HELZ: variants seen among roughly 807,000 people sequenced by gnomAD.
HELZ encodes helicase with zinc finger.
HELZ carries 23 observed loss-of-function variants against 218.2 expected under a neutral mutation model. That is an observed-to-expected ratio of 0.11 (90% CI 0.08 to 0.15). The LOEUF (loss-of-function observed/expected upper bound fraction) is 0.15. Ranked by LOEUF, HELZ falls within the 10% of genes least tolerant of loss-of-function variation. The probability of loss-of-function intolerance (pLI) is 1.00; values close to 1 mark genes in which losing one functional copy is unlikely to be tolerated. For missense variants in HELZ, 1,813 were observed against 2,353.7 expected (o/e 0.77, Z 4.75); for synonymous variants, 814 against 829.4 (o/e 0.98, Z 0.32).
At chr17:67,206,688 G>A (rs763391286) in intron 5 of HELZ, among the ~76,000 whole-genome samples, 1 of 145,208 alleles carries the variant, frequency 6.9e-6, no homozygotes, top group Non-Finnish European at 1.5e-5. Context: ...AACCTCTGCC[G>A]CCCAGGTTCA....
intron 1 of HELZ, 97 bp downstream of exon 1, chr17:67,245,036 CCGCCGCGCCCGGGGT>C (rs2041442728): frequency 1.0e-6 from 1 of 984,670 alleles, no homozygotes; most frequent in Admixed American, 6.2e-5. Context: ...TGCCCCGGGG[CCGCCGCGCCCGGGGT>C]CCGGGACACC....
chr17:67,228,705 T>C (rs2040957656), intron 3 of HELZ, among the ~76,000 whole-genome samples: 1 of 133,478 alleles, frequency 7.5e-6, no homozygotes, highest in Non-Finnish European at 1.6e-5. Context: ...GCCAAATTGA[T>C]ACATTATTAT....
At chr17:67,226,265 A>G (rs2040888781) in intron 3 of HELZ, among the ~76,000 whole-genome samples, 1 of 151,418 alleles carries the variant, frequency 6.6e-6, no homozygotes, top group South Asian at 2.1e-4. Flanking sequence ...CTCAAAAAAA[A>G]AAAAAAGAAA....
chr17:67,201,012 C>A (rs370654014), intron 7 of HELZ, 117 bp downstream of exon 7: 69 of 809,504 alleles, frequency 8.5e-5, no homozygotes, highest in African/African-American at 4.8e-4. Flanking sequence ...CACTGCCCCA[C>A]CTTCACAGCC....
At chr17:67,227,650 G>A (rs1318511776) in intron 3 of HELZ, among the ~76,000 whole-genome samples, 1 of 152,032 alleles carries the variant, frequency 6.6e-6, no homozygotes, top group African/African-American at 2.4e-5. Context: ...GAGCTCTCTT[G>A]GCAAAAAATG....
At chr17:67,094,384 T>G in intron 31 of HELZ, among the ~76,000 whole-genome samples, 1 of 20,246 alleles carries the variant, frequency 4.9e-5, no homozygotes, top group African/African-American at 3.2e-4. Context: ...TATTGCAGGT[T>G]TGGTGAGAGA....
chr17:67,185,532 A>C (rs1423979949), intron 12 of HELZ, among the ~76,000 whole-genome samples: 2 of 152,220 alleles, frequency 1.3e-5, no homozygotes, highest in African/African-American at 4.8e-5. Context: ...AAAAATTAGC[A>C]TAAGTCATTA....
intron 15 of HELZ, 45 bp downstream of exon 15, chr17:67,166,433 T>C: frequency 6.6e-7 from 1 of 1,521,654 alleles, no homozygotes. Flanking sequence ...ATATTCAATT[T>C]AATATTAACC....
chr17:67,211,858 C>CA (rs921532429), intron 5 of HELZ, among the ~76,000 whole-genome samples: 4 of 148,352 alleles, frequency 2.7e-5, no homozygotes, highest in Non-Finnish European at 6.0e-5. Context: ...AAAACTGTCT[C>CA]AAAAAAAGAA....
chr17:67,227,691 T>C (rs2040931615), intron 3 of HELZ, among the ~76,000 whole-genome samples: 1 of 152,152 alleles, frequency 6.6e-6, no homozygotes, highest in African/African-American at 2.4e-5. Flanking sequence ...GCATCATAGC[T>C]AGATGGTTGG....
At chr17:67,226,839 G>T (rs1399390056) in intron 3 of HELZ, among the ~76,000 whole-genome samples, 1 of 152,106 alleles carries the variant, frequency 6.6e-6, no homozygotes, top group African/African-American at 2.4e-5. Flanking sequence ...GCAATAACTT[G>T]AATTAATCTC....
chr17:67,190,723 G>T (rs1422406219), intron 9 of HELZ, among the ~76,000 whole-genome samples: 1 of 151,930 alleles, frequency 6.6e-6, no homozygotes, highest in Non-Finnish European at 1.5e-5. Flanking sequence ...TTTGTTTTTT[G>T]TTTTTGAGAC....
intron 31 of HELZ, among the ~76,000 whole-genome samples, chr17:67,094,333 A>AAAGAGAGAG (rs528061407): frequency 0.01 from 1,472 of 146,606 alleles, 47 homozygotes; most frequent in African/African-American, 0.035. Context: ...AAAAAAAAAA[A>AAAGAGAGAG]AGAGAGAGAG....
At chr17:67,138,351 T>C (rs2143956183) in intron 21 of HELZ, among the ~76,000 whole-genome samples, 1 of 152,150 alleles carries the variant, frequency 6.6e-6, no homozygotes, top group East Asian at 1.9e-4. Context: ...AGTGAAAACA[T>C]GAAAATCAGG....
At chr17:67,132,163 T>TTACTTC in intron 23 of HELZ, among the ~76,000 whole-genome samples, 1 of 152,254 alleles carries the variant, frequency 6.6e-6, no homozygotes, top group East Asian at 1.9e-4. Flanking sequence ...TCTGTTAACC[T>TTACTTC]TACTTCTAGG....
chr17:67,115,228 T>C (rs1186231183), intron 27 of HELZ, among the ~76,000 whole-genome samples: 2 of 151,898 alleles, frequency 1.3e-5, no homozygotes, highest in Non-Finnish European at 2.9e-5. Flanking sequence ...TCTGGCAAAT[T>C]TGAAGGCACA....
chr17:67,236,361 CAAT>C, intron 3 of HELZ, among the ~76,000 whole-genome samples: 1 of 152,014 alleles, frequency 6.6e-6, no homozygotes, highest in East Asian at 1.9e-4. Context: ...AACAGTAGGA[CAAT>C]ATATGTGAGG....
At position 67,224,913 on chromosome 17, in the gene HELZ, A is replaced by C. The variant is rs535963948; in HGVS notation, c.-18-6091T>G. 3 of 728,688 alleles carry C rather than the reference A, an allele frequency of 4.1e-6. No homozygotes were observed. In the African/African-American group the frequency reaches 5.3e-5, roughly 13 times the overall value. 45.1% of individuals were successfully genotyped at this position (728,688 alleles called of 1,614,324 possible). A position where few individuals can be genotyped will look rare whatever the true frequency, so the allele number is the denominator to read the frequency against. On this transcript the variant is annotated intron_variant, in intron 3 of 32. Transcript: ENST00000358691. ...TCTTCCGGAAGAAGGCTAAAACTAC[A>C]AAGACGACTGTGCTAAGACTTGAGT... is the stretch of plus-strand genomic sequence containing the variant.
chr17:67,164,860 T>C lies in HELZ; in HGVS notation c.1895+1618A>G, dbSNP rs372685190. On this transcript the variant is annotated intron_variant, in intron 15 of 32. Transcript: ENST00000358691. The stretch of plus-strand genomic sequence containing the variant: ...TTATCTACATATCAAGGAGAAGCCA[T>C]CAGATTTGTGAGCAGTGAAATGACA... Among the ~76,000 whole-genome samples, 16 of 152,246 alleles carry C rather than the reference T, an allele frequency of 1.1e-4. No individual in the cohort carries two copies. In the East Asian group the frequency reaches 2.1e-3, roughly 20 times the overall value.
Sources: allele counts gnomAD v4.1 joint callset (sites outside exome capture counted in the v4.1 genomes callset), GRCh38; gene constraint gnomAD v4.1.1; transcripts MANE v1.5; gene names NCBI Gene and HGNC (gene_info 2026-07-23, HGNC 2026-07-21).